Variants in BICC1 observed in about 807,000 individuals in gnomAD.
BICC1 encodes the protein BicC family RNA binding protein 1, also known as protein bicaudal C homolog 1.
In BICC1, 43 loss-of-function variants were observed where a neutral mutation model predicts 111.0. The observed-to-expected ratio is 0.39, with a 90% CI of 0.30 to 0.50. The LOEUF is 0.50. BICC1 is among the 20% of genes least tolerant of loss of function. BICC1 has a pLI of 0.88. For missense variants in BICC1, 1,091 were observed against 1,203.2 expected, an observed-to-expected ratio of 0.91 and a Z score of 1.38; for synonymous variants, 467 against 434.4, an observed-to-expected ratio of 1.07 and a Z score of -0.93.
chr10:58,703,512 A>G (rs1442766534), intron 3 of BICC1, among the ~76,000 whole-genome samples: 1 of 152,164 alleles, frequency 6.6e-6, no homozygotes, highest in African/African-American at 2.4e-5. Context: ...GGGAACTTAT[A>G]TGCTAAATAA....
intron 3 of BICC1, among the ~76,000 whole-genome samples, chr10:58,782,275 A>G (rs1020991031): frequency 6.6e-6 from 1 of 152,154 alleles, no homozygotes; most frequent in African/African-American, 2.4e-5. Context: ...CGATTATCCA[A>G]CCTGTAAAGT....
intron 15 of BICC1, among the ~76,000 whole-genome samples, chr10:58,803,845 A>G (rs1271181187): frequency 6.6e-6 from 1 of 152,236 alleles, no homozygotes; most frequent in Admixed American, 6.5e-5. Context: ...TACTCAGAAT[A>G]GACTATTGAC....
chr10:58,622,998 A>G (rs2132145878), intron 2 of BICC1, among the ~76,000 whole-genome samples: 1 of 151,244 alleles, frequency 6.6e-6, no homozygotes, highest in Admixed American at 6.6e-5. Flanking sequence ...AAAAGTTAAA[A>G]CCTCTCTTTA....
chr10:58,828,713 C>T, intron 20 of BICC1, 48 bp from the exon 21 acceptor site: 1 of 1,593,742 alleles, frequency 6.3e-7, no homozygotes, highest in Non-Finnish European at 8.6e-7. Flanking sequence ...CTGTAGTATA[C>T]ATAGAACTTC....
chr10:58,662,258 T>A (rs1403355043), intron 2 of BICC1, among the ~76,000 whole-genome samples: 2 of 152,190 alleles, frequency 1.3e-5, no homozygotes, highest in South Asian at 2.1e-4. Context: ...CTTTAAAAAA[T>A]TAGAATAATG....
intron 2 of BICC1, among the ~76,000 whole-genome samples, chr10:58,632,857 A>AGATG (rs1564522708): frequency 8.3e-6 from 1 of 119,868 alleles, no homozygotes; most frequent in East Asian, 2.7e-4. Context: ...ATAGATAGAT[A>AGATG]GATGGATAGA....
In BICC1 at chr10:58,601,142, ATATATAT is replaced by A. The variant is rs1845016165; in HGVS notation, c.191-19712_191-19706del. ...TTTTTAGGCAGTCATTTTAAAACTT[ATATATAT>A]ATATATATATATATATATATATCTC... On this transcript the variant is annotated intron_variant, in intron 1 of 20. Transcript: ENST00000373886. 2.6e-4 allele frequency among the ~76,000 whole-genome samples: 31 copies of A among 119,520 alleles called. 2 individuals carry two copies. Among genetic ancestry groups the A allele is most frequent in the Middle Eastern group, 4.6e-3 (1 of 218 alleles). The allele number at this position is 119,520 out of a possible 152,430, so 78.4% of individuals were successfully genotyped here.
Position 58,512,994 on chromosome 10 carries a change from C to CGGCGGCGGCGTT in BICC1, c.-144_-133dup, listed in dbSNP as rs1244773750. Reference sequence around the variant, plus strand: ...CTGGGATGCGCCGGGGGCTCAGTGGCGGCGGCGGCGTTGGCGGTGGCGTCG... The same window carrying CGGCGGCGGCGTT: ...CTGGGATGCGCCGGGGGCTCAGTGGCGGCGGCGGCGTTGGCGGCGGCGTTGGCGGTGGCGTCG... On this transcript the variant is annotated 5_prime_UTR_variant, in exon 1 of 21. Coordinates refer to ENST00000373886, the MANE Select transcript of BICC1 (RefSeq NM_001080512.3). The CGGCGGCGGCGTT allele has an allele frequency of 7.9e-6, 3 of 379,800 alleles. No homozygotes were observed. The highest frequency in any genetic ancestry group is 1.2e-5 in the Non-Finnish European group (3 of 260,834). 23.5% of individuals were successfully genotyped at this position (379,800 alleles called of 1,614,324 possible).
At chr10:58,597,930 CAT>C (rs1196521665) in intron 1 of BICC1, among the ~76,000 whole-genome samples, 1 of 152,166 alleles carries the variant, frequency 6.6e-6, no homozygotes, top group Non-Finnish European at 1.5e-5. Context: ...TTCAAACACA[CAT>C]GTTTTACAAT....
chr10:58,681,792 C>T (rs553692619), intron 2 of BICC1, among the ~76,000 whole-genome samples: 12 of 152,174 alleles, frequency 7.9e-5, no homozygotes, highest in South Asian at 4.2e-4. Flanking sequence ...TTCTTCCTTC[C>T]GGTGGTTTCG....
intron 3 of BICC1, among the ~76,000 whole-genome samples, chr10:58,768,349 C>T (rs529007407): frequency 7.2e-5 from 11 of 152,262 alleles, no homozygotes; most frequent in African/African-American, 2.6e-4. Context: ...TGGTACTTTA[C>T]TCAGCAAAGC....
In BICC1 at chr10:58,572,281, T is replaced by A. The variant is rs186101561; in HGVS notation, c.191-48574T>A. Among the ~76,000 whole-genome samples the A allele has an allele frequency of 4.8e-3, 728 of 152,334 alleles. 5 individuals carry two copies. Among genetic ancestry groups the A allele is most frequent in the African/African-American group, 0.017 (701 of 41,570 alleles). ...TTTCTCCCACTTTGTAGGTTGTATGTTTACTCTGTTGATAGTTTCTTTTGC... is the reference window on the plus strand; with the variant it reads ...TTTCTCCCACTTTGTAGGTTGTATGATTACTCTGTTGATAGTTTCTTTTGC... On this transcript the variant is annotated intron_variant, in intron 1 of 20. Coordinates refer to ENST00000373886, the MANE Select transcript of BICC1 (RefSeq NM_001080512.3).
intron 1 of BICC1, among the ~76,000 whole-genome samples, chr10:58,553,130 G>A (rs1037555674): frequency 6.6e-6 from 1 of 152,084 alleles, no homozygotes; most frequent in Non-Finnish European, 1.5e-5. Flanking sequence ...GACAGATGTA[G>A]TGGTGGAGAG....
chr10:58,684,592 G>T (rs1305691970), intron 2 of BICC1, among the ~76,000 whole-genome samples: 1 of 152,062 alleles, frequency 6.6e-6, no homozygotes, highest in Non-Finnish European at 1.5e-5. Context: ...CTTCTTCCTG[G>T]TTTAGTCTTG....
chr10:58,673,571 T>C lies in BICC1; in HGVS notation c.238-28503T>C, dbSNP rs573004085. Among the ~76,000 whole-genome samples, 18 of 152,318 alleles carry C rather than the reference T, an allele frequency of 1.2e-4. No individual in the cohort carries two copies. In the South Asian group the frequency reaches 3.7e-3, roughly 32 times the overall value. ...CGTGGAGCACAAGCTTTTATGATTCTGGTAGTAGCACCATCTACTCACTTT... is the reference window on the plus strand; with the variant it reads ...CGTGGAGCACAAGCTTTTATGATTCCGGTAGTAGCACCATCTACTCACTTT... On this transcript the variant is annotated intron_variant, in intron 2 of 20. Coordinates refer to ENST00000373886, the MANE Select transcript of BICC1 (RefSeq NM_001080512.3).
intron 3 of BICC1, among the ~76,000 whole-genome samples, chr10:58,725,939 G>A (rs1471438656): frequency 6.6e-6 from 1 of 152,122 alleles, no homozygotes; most frequent in Non-Finnish European, 1.5e-5. Context: ...ACTTTATAAA[G>A]TTTCCTTTAC....
At chr10:58,824,541 G>A (rs1370184101) in intron 20 of BICC1, among the ~76,000 whole-genome samples, 1 of 152,166 alleles carries the variant, frequency 6.6e-6, no homozygotes, top group African/African-American at 2.4e-5. Flanking sequence ...GGCCATAGGA[G>A]TGTGTCTGGT....
At chr10:58,582,254 T>A (rs1437134436) in intron 1 of BICC1, among the ~76,000 whole-genome samples, 1 of 152,212 alleles carries the variant, frequency 6.6e-6, no homozygotes, top group East Asian at 1.9e-4. Context: ...CTCCACTTTA[T>A]ATTTACAGCA....
At chr10:58,595,365 C>A (rs1014720145) in intron 1 of BICC1, among the ~76,000 whole-genome samples, 2 of 152,120 alleles carry the variant, frequency 1.3e-5, no homozygotes, top group African/African-American at 4.8e-5. Flanking sequence ...CCAAGTGGAC[C>A]TAATAGACAT....
Sources: allele counts gnomAD v4.1 joint callset (sites outside exome capture counted in the v4.1 genomes callset), GRCh38; gene constraint gnomAD v4.1.1; transcripts MANE v1.5; gene names NCBI Gene and HGNC (gene_info 2026-07-23, HGNC 2026-07-21).